The following RMC1 variants were observed in gnomAD, a reference collection of about 807,000 sequenced individuals.
RMC1 encodes regulator of MON1-CCZ1.
Under a neutral mutation model 95.5 loss-of-function variants are expected in RMC1, and 44 were observed. That is an observed-to-expected ratio of 0.46 (90% CI 0.36 to 0.59). RMC1 has a LOEUF of 0.59. Among genes scored for constraint, RMC1 ranks in the 20% least tolerant of loss-of-function variants. The probability of loss-of-function intolerance (pLI) is 0.00; values close to 1 mark genes in which losing one functional copy is unlikely to be tolerated. For synonymous variants in RMC1, 320 were observed against 303.6 expected, an observed-to-expected ratio of 1.05 and a Z score of -0.56; for missense variants, 705 against 819.6, an observed-to-expected ratio of 0.86 and a Z score of 1.71.
intron 10 of RMC1, among the ~76,000 whole-genome samples, chr18:23,521,237 A>G (rs528498690): frequency 1.3e-4 from 20 of 152,374 alleles, no homozygotes; most frequent in African/African-American, 4.6e-4. Context: ...TCTAAGATAG[A>G]TGAATCTCCC....
At chr18:23,516,019 A>G (rs763162774) in intron 6 of RMC1, 23 bp downstream of exon 6, 2 of 1,613,866 alleles carry the variant, frequency 1.2e-6, no homozygotes, top group African/African-American at 1.3e-5. Flanking sequence ...CTCCCCTGAA[A>G]AAAACACCTT....
chr18:23,517,966 C>T (rs2058053256), intron 7 of RMC1, among the ~76,000 whole-genome samples: 1 of 152,208 alleles, frequency 6.6e-6, no homozygotes. Context: ...GATCCTCCCG[C>T]CTCATCCTCC....
chr18:23,527,223 C>CAAAAA (rs386387173), intron 13 of RMC1, among the ~76,000 whole-genome samples: 1 of 43,658 alleles, frequency 2.3e-5, no homozygotes, highest in Non-Finnish European at 5.2e-5. Context: ...CCTGTCTCTA[C>CAAAAA]AAAAAAAAAA....
At position 23,527,820 on chromosome 18, in the gene RMC1, G is replaced by A. The variant is rs762606187; in HGVS notation, c.1215G>A (p.Ser405=). Residue 405 remains serine, a synonymous_variant, in exon 14 of 20, where the codon TCG becomes TCA. Coordinates refer to ENST00000269221, the MANE Select transcript of RMC1 (RefSeq NM_013326.5). ...SQMLSESDRA[S]LPVIATVFDK... ...TGTTAAGTGAGTCAGACAGAGCATC[G>A]CTGCCCGTGATAGCCACTGTTTTTG... 2.5e-6 allele frequency: 4 copies of A among 1,614,020 alleles called. No individual in the cohort carries two copies. The highest frequency in any genetic ancestry group is 2.7e-5 in the African/African-American group (2 of 75,024).
rs763588108 is a variant in RMC1 at position 23,506,954 on chromosome 18, A to G, written c.180-16A>G. On this transcript the variant is annotated splice_polypyrimidine_tract_variant and intron_variant, in intron 2 of 19. Coordinates refer to ENST00000269221, the MANE Select transcript of RMC1 (RefSeq NM_013326.5). ...ATTCGGTTATTTAACTACTAACACA[A>G]TCTTTCTTCTTAAAGAATGGATGAC... is the stretch of plus-strand genomic sequence containing the variant. The G allele has an allele frequency of 4.5e-6, 7 of 1,556,318 alleles. No individual in the cohort carries two copies. The highest frequency in any genetic ancestry group is 6.2e-6 in the Non-Finnish European group (7 of 1,133,480).
At chr18:23,528,039 T>C (rs1195469230) in intron 14 of RMC1, 138 bp downstream of exon 14, 4 of 687,376 alleles carry the variant, frequency 5.8e-6, no homozygotes, top group Non-Finnish European at 7.1e-6. Flanking sequence ...TAGGGCAAGG[T>C]GGCAGTAGTG....
intron 12 of RMC1, among the ~76,000 whole-genome samples, chr18:23,524,924 C>T (rs1808579): frequency 0.47 from 67,037 of 141,440 alleles, 16,102 homozygotes; most frequent in East Asian, 0.62. Flanking sequence ...CCTGGGTAAT[C>T]TCTTTATTAG....
rs758443339 is a variant in RMC1, at chr18:23,530,498, C to T, written c.1780C>T (p.Arg594Ter). The T allele has an allele frequency of 2.5e-6, 4 of 1,614,214 alleles. No homozygotes were observed. Among genetic ancestry groups the T allele is most frequent in the East Asian group, 2.2e-5 (1 of 44,892 alleles). Residue 594 changes from arginine (R) to a stop codon, truncating the protein, a stop_gained, in exon 19 of 20, where the codon CGA becomes TGA. Transcript: ENST00000269221. LOFTEE classifies it high-confidence loss of function. ...TGGTGGCCATGACAACATTTCTGCA[C>T]GAAAATTTTTAGATGCTGCAAAGCA... Reference protein sequence around the residue: ...GIGGHDNISARKFLDAAKQTE... With the variant: ...GIGGHDNISA
At chr18:23,524,069 G>T in intron 10 of RMC1, 61 bp from the exon 11 acceptor site, 1 of 1,532,258 alleles carries the variant, frequency 6.5e-7, no homozygotes, top group Non-Finnish European at 9.0e-7. Flanking sequence ...TGTGTCATAA[G>T]TACCAGCATT....
At chr18:23,514,702 T>C (rs1447959328) in intron 5 of RMC1, among the ~76,000 whole-genome samples, 1 of 152,192 alleles carries the variant, frequency 6.6e-6, no homozygotes, top group African/African-American at 2.4e-5. Flanking sequence ...ATGGTAATCA[T>C]TTAAAAGTCT....
rs1249875488 is a variant in RMC1 at position 23,516,310 on chromosome 18, C to G, written c.550-10C>G. The G allele has an allele frequency of 3.1e-6, 5 of 1,613,730 alleles. No homozygotes were observed. Among genetic ancestry groups the G allele is most frequent in the Non-Finnish European group, 2.5e-6 (3 of 1,179,740 alleles). Reference sequence around the variant, plus strand: ...ATAAGCTTTTCCTAAAACATTTTCCCCCTAAACAGGCTGGCACTATGTCGA... The same window carrying G: ...ATAAGCTTTTCCTAAAACATTTTCCGCCTAAACAGGCTGGCACTATGTCGA... On this transcript the variant is annotated splice_polypyrimidine_tract_variant and intron_variant, in intron 6 of 19. Coordinates refer to ENST00000269221, the MANE Select transcript of RMC1 (RefSeq NM_013326.5).
chr18:23,525,889 C>T (rs1277625320), intron 12 of RMC1, among the ~76,000 whole-genome samples: 1 of 152,234 alleles, frequency 6.6e-6, no homozygotes, highest in Non-Finnish European at 1.5e-5. Flanking sequence ...AGAATTAGCC[C>T]TGATGCTGTA....
intron 2 of RMC1, 117 bp from the exon 3 acceptor site, chr18:23,506,853 A>T: frequency 1.4e-6 from 1 of 720,700 alleles, no homozygotes; most frequent in Non-Finnish European, 2.4e-6. Flanking sequence ...ACATAATTTT[A>T]ATTTTAGACT....
rs757215027 is a variant in RMC1 at position 23,531,716 on chromosome 18, G to GT, written c.*19dup. The GT allele has an allele frequency of 3.4e-5, 54 of 1,598,646 alleles. No homozygotes were observed. Among genetic ancestry groups the GT allele is most frequent in the South Asian group, 1.8e-4 (16 of 86,994 alleles). On this transcript the variant is annotated 3_prime_UTR_variant, in exon 20 of 20. Transcript: ENST00000269221. ...CTACAACATTCTGAAATCACTTGCTGTTTTTTTATATAAAAATGTGTACAA... is the reference window on the plus strand; with the variant it reads ...CTACAACATTCTGAAATCACTTGCTGTTTTTTTTATATAAAAATGTGTACAA...
chr18:23,529,212 C>T lies in RMC1; in HGVS notation c.1330C>T (p.Leu444Phe), dbSNP rs1299224447. 2.5e-6 allele frequency: 4 copies of T among 1,614,020 alleles called. No individual in the cohort carries two copies. Among genetic ancestry groups the T allele is most frequent in the Non-Finnish European group, 2.5e-6 (3 of 1,179,988 alleles). Residue 444 changes from leucine (L) to phenylalanine (F), a missense_variant, in exon 15 of 20, where the codon CTC becomes TTC. Coordinates refer to ENST00000269221, the MANE Select transcript of RMC1 (RefSeq NM_013326.5). ...VEAGQSRSSP[L>F]LKRPVRTQAV... ...AGCAGGGCAGAGCCGAAGCAGCCCG[C>T]TCCTCAAGAGGCCGGTGCGGACCCA...
At chr18:23,527,422 C>T (rs1177277596) in intron 13 of RMC1, among the ~76,000 whole-genome samples, 3 of 151,148 alleles carry the variant, frequency 2.0e-5, no homozygotes, top group African/African-American at 7.3e-5. Flanking sequence ...AATAATAATC[C>T]CCTACCAATA....
At chr18:23,516,200 G>C (rs2058000494) in intron 6 of RMC1, 120 bp from the exon 7 acceptor site, 1 of 1,353,616 alleles carries the variant, frequency 7.4e-7, no homozygotes, top group Admixed American at 1.7e-5. Flanking sequence ...AGGACATGGG[G>C]GACGGTGGAA....
At chr18:23,505,603 T>C (rs1030318142) in intron 2 of RMC1, among the ~76,000 whole-genome samples, 17 of 152,242 alleles carry the variant, frequency 1.1e-4, no homozygotes, top group Non-Finnish European at 2.4e-4. Context: ...AAGATCATGC[T>C]GTTCACAGCA....
chr18:23,518,812 A>AC lies in RMC1; in HGVS notation c.654-77dup, dbSNP rs2058073495. On this transcript the variant is annotated intron_variant, in intron 7 of 19. Coordinates refer to ENST00000269221, the MANE Select transcript of RMC1 (RefSeq NM_013326.5). The stretch of plus-strand genomic sequence containing the variant: ...CCATTAAGTGAATATCTTATAATTT[A>AC]CTTAACCGTGATGCCATTTAGAACA... 3 of 1,288,356 alleles carry AC rather than the reference A, an allele frequency of 2.3e-6. No homozygotes were observed. The African/African-American group carries it at 4.4e-5, about 19-fold the overall frequency. The allele number at this position is 1,288,356 out of a possible 1,614,324, so 79.8% of individuals were successfully genotyped here. A position where few individuals can be genotyped will look rare whatever the true frequency, so the allele number is the denominator to read the frequency against.
Sources: allele counts gnomAD v4.1 joint callset (sites outside exome capture counted in the v4.1 genomes callset), GRCh38; gene constraint gnomAD v4.1.1; transcripts MANE v1.5; gene names NCBI Gene and HGNC (gene_info 2026-07-23, HGNC 2026-07-21).